The following SGCE variants were observed in gnomAD, a reference collection of about 807,000 sequenced individuals.
SGCE encodes the protein sarcoglycan epsilon, also known as epsilon-sarcoglycan.
Under a neutral mutation model 57.8 loss-of-function variants are expected in SGCE, and 26 were observed. The ratio of observed to expected loss-of-function variants is 0.45; its 90% CI spans 0.33 to 0.62. The LOEUF (loss-of-function observed/expected upper bound fraction) is 0.62, where lower values mean the gene tolerates loss of function less well. Among genes scored for constraint, SGCE ranks in the 20% least tolerant of loss-of-function variants. The probability of loss-of-function intolerance (pLI) is 0.02; values close to 1 mark genes in which losing one functional copy is unlikely to be tolerated. For missense variants in SGCE, 468 were observed against 548.6 expected, an observed-to-expected ratio of 0.85 and a Z score of 1.47; for synonymous variants, 183 against 189.5, an observed-to-expected ratio of 0.97 and a Z score of 0.28.
intron 1 of SGCE, among the ~76,000 whole-genome samples, chr7:94,637,089 A>G (rs1055097465): frequency 2.0e-5 from 3 of 151,856 alleles, no homozygotes; most frequent in Admixed American, 6.6e-5. Context: ...CACAAAACAT[A>G]TATTTGTCAA....
At chr7:94,597,622 A>T (rs1183379373) in intron 9 of SGCE, 1 of 152,262 alleles carries the variant, frequency 6.6e-6, no homozygotes, top group African/African-American at 2.4e-5. Context: ...TCCATCTATA[A>T]AAGTAAAGTG....
At position 94,647,964 on chromosome 7, in the gene SGCE, C is replaced by T. The variant is rs569747322; in HGVS notation, c.109+8026G>A. 2.6e-5 allele frequency among the ~76,000 whole-genome samples: 4 copies of T among 152,126 alleles called. No individual in the cohort carries two copies. The South Asian group carries it at 6.2e-4, about 24-fold the overall frequency. Reference sequence around the variant, plus strand: ...TTAATCAAATAATCTTGAAAAAAACCCTGTTCTTTGTCAACCCCACTAGTG... The same window carrying T: ...TTAATCAAATAATCTTGAAAAAAACTCTGTTCTTTGTCAACCCCACTAGTG... On this transcript the variant is annotated intron_variant, in intron 1 of 10. Coordinates refer to ENST00000648936, the MANE Select transcript of SGCE (RefSeq NM_003919.3).
Position 94,653,318 on chromosome 7 carries a change from G to A in SGCE, c.109+2672C>T, listed in dbSNP as rs943638603. 5.9e-5 allele frequency among the ~76,000 whole-genome samples: 9 copies of A among 152,088 alleles called. No individual in the cohort carries two copies. In the South Asian group the frequency reaches 1.0e-3, roughly 18 times the overall value. ...ATATAGGTGTTAAATCAACAGCTTC[G>A]TAGATCTACAGCAAATTCTCATAAA... On this transcript the variant is annotated intron_variant, in intron 1 of 10. Transcript: ENST00000648936.
At chr7:94,637,466 A>T (rs1210522755) in intron 1 of SGCE, among the ~76,000 whole-genome samples, 1 of 152,208 alleles carries the variant, frequency 6.6e-6, no homozygotes, top group Non-Finnish European at 1.5e-5. Context: ...TAGATTCAAG[A>T]TGGAGGGATC....
At position 94,619,104 on chromosome 7, in the gene SGCE, A is replaced by T. The variant is rs1431323615; in HGVS notation, c.464-148T>A. 17 of 664,690 alleles carry T rather than the reference A, an allele frequency of 2.6e-5. No individual in the cohort carries two copies. The East Asian group carries it at 4.6e-4, about 18-fold the overall frequency. 41.2% of individuals were successfully genotyped at this position (664,690 alleles called of 1,614,324 possible). Reference sequence around the variant, plus strand: ...TACTGACTTTAAAGGCTTTCTGTTTAACAGAGGATGTATCTAAAAACATAA... The same window carrying T: ...TACTGACTTTAAAGGCTTTCTGTTTTACAGAGGATGTATCTAAAAACATAA... On this transcript the variant is annotated intron_variant, in intron 4 of 10. Transcript: ENST00000648936.
intron 1 of SGCE, among the ~76,000 whole-genome samples, chr7:94,644,134 T>C (rs1806751287): frequency 6.6e-6 from 1 of 152,232 alleles, no homozygotes; most frequent in Non-Finnish European, 1.5e-5. Context: ...CATCTTGCAT[T>C]TACAAAGCCC....
intron 1 of SGCE, among the ~76,000 whole-genome samples, chr7:94,653,249 C>A (rs1423217393): frequency 1.3e-5 from 2 of 152,154 alleles, no homozygotes; most frequent in African/African-American, 4.8e-5. Flanking sequence ...GTGAAAATCC[C>A]ACTTTGTTTT....
chr7:94,585,545 GAGTT>G (rs770483055), intron 10 of SGCE, 30 bp from the exon 11 acceptor site: 1 of 1,512,090 alleles, frequency 6.6e-7, no homozygotes, highest in Non-Finnish European at 9.2e-7. Context: ...ATATGGGCAG[GAGTT>G]AGTCAGGGCA....
chr7:94,651,516 C>T (rs999044116), intron 1 of SGCE, among the ~76,000 whole-genome samples: 5 of 152,248 alleles, frequency 3.3e-5, no homozygotes, highest in Non-Finnish European at 7.3e-5. Flanking sequence ...CTGCACACCA[C>T]CTCATACACA....
chr7:94,618,897 A>C lies in SGCE; in HGVS notation c.523T>G (p.Leu175Val). The change falls in exon 5 of 11, where the codon TTG becomes GTG. Residue 175 changes from leucine (L) to valine (V), a missense_variant. By Grantham distance (32) the Leu-to-Val change is conservative. Transcript: ENST00000648936. Reference sequence around the variant, plus strand: ...AAGTCTCCAAGAACCTCACTGGCCAACATTTCTTCTACATTCATATTCTTA... The same window carrying C: ...AAGTCTCCAAGAACCTCACTGGCCACCATTTCTTCTACATTCATATTCTTA... ...FIKNMNVEEM[L>V]ASEVLGDFLG... The C allele has an allele frequency of 6.2e-7, 1 of 1,614,090 alleles. No individual in the cohort carries two copies. Among genetic ancestry groups the C allele is most frequent in the African/African-American group, 1.3e-5 (1 of 75,062 alleles).
At chr7:94,603,161 T>G in intron 6 of SGCE, 129 bp downstream of exon 6, 2 of 687,616 alleles carry the variant, frequency 2.9e-6, no homozygotes, top group Non-Finnish European at 5.0e-6. Context: ...ATCCTTAATC[T>G]CAAGGGAAGT....
intron 9 of SGCE, chr7:94,598,277 GT>G (rs2116666432): frequency 5.6e-6 from 1 of 179,702 alleles, no homozygotes; most frequent in Non-Finnish European, 1.2e-5. Flanking sequence ...AATAAAATAG[GT>G]GTTTATAGTC....
intron 10 of SGCE, chr7:94,587,512 T>A: frequency 7.7e-7 from 1 of 1,297,112 alleles, no homozygotes; most frequent in Non-Finnish European, 9.7e-7. Context: ...TTTTAGAAAT[T>A]TTCCTTTTAA....
chr7:94,591,269 T>C (rs1355483427), intron 9 of SGCE, among the ~76,000 whole-genome samples: 1 of 152,120 alleles, frequency 6.6e-6, no homozygotes, highest in African/African-American at 2.4e-5. Flanking sequence ...CAAAATGCAA[T>C]TAGATGGGCA....
At chr7:94,655,942 G>A in intron 1 of SGCE, 48 bp downstream of exon 1, 1 of 1,224,724 alleles carries the variant, frequency 8.2e-7, no homozygotes, top group South Asian at 1.2e-5. Flanking sequence ...AGGGGGAGGC[G>A]GCGGCCTGTT....
At chr7:94,638,550 T>C (rs1357318) in intron 1 of SGCE, among the ~76,000 whole-genome samples, 19,033 of 151,992 alleles carry the variant, frequency 0.13, 1,423 homozygotes, top group South Asian at 0.24. Flanking sequence ...TTTATAGACA[T>C]TTTGGTTGCT....
intron 1 of SGCE, among the ~76,000 whole-genome samples, chr7:94,638,186 C>G (rs539408297): frequency 6.6e-6 from 1 of 152,148 alleles, no homozygotes; most frequent in Non-Finnish European, 1.5e-5. Flanking sequence ...TTTTTGTGAT[C>G]TTTTCATGAG....
At chr7:94,629,613 C>A (rs1804347263) in intron 2 of SGCE, 106 bp downstream of exon 2, 3 of 1,003,912 alleles carry the variant, frequency 3.0e-6, no homozygotes, top group African/African-American at 1.6e-5. Context: ...ATATTTAGAC[C>A]ATTTGAAATA....
chr7:94,650,669 A>T (rs1046454115), intron 1 of SGCE, among the ~76,000 whole-genome samples: 68 of 152,370 alleles, frequency 4.5e-4, no homozygotes, highest in African/African-American at 1.4e-3. Context: ...TCTTCAAGTT[A>T]AATATTCATT....
Sources: allele counts gnomAD v4.1 joint callset (sites outside exome capture counted in the v4.1 genomes callset), GRCh38; gene constraint gnomAD v4.1.1; transcripts MANE v1.5; gene names NCBI Gene and HGNC (gene_info 2026-07-23, HGNC 2026-07-21).